Variants in KIAA1328 observed in about 807,000 individuals in gnomAD.
KIAA1328 encodes KIAA1328.
A neutral mutation model predicts 68.1 loss-of-function variants in KIAA1328; 52 were observed. That is an observed-to-expected ratio of 0.76 (90% CI 0.61 to 0.96). The LOEUF is 0.96. Among genes scored for constraint, KIAA1328 ranks in the 40% least tolerant of loss-of-function variants. The pLI, the probability that KIAA1328 is intolerant of heterozygous loss-of-function variation, is 0.00. For synonymous variants in KIAA1328, 232 were observed against 239.4 expected (o/e 0.97, Z 0.28); for missense variants, 641 against 677.6 (o/e 0.95, Z 0.60).
At chr18:36,934,866 G>A (rs1378374044) in intron 5 of KIAA1328, among the ~76,000 whole-genome samples, 3 of 152,144 alleles carry the variant, frequency 2.0e-5, no homozygotes, top group African/African-American at 4.8e-5. Flanking sequence ...ATTTTCATTT[G>A]TTATGGCAGT....
chr18:36,890,993 G>A (rs2048667591), intron 5 of KIAA1328, among the ~76,000 whole-genome samples: 1 of 152,176 alleles, frequency 6.6e-6, no homozygotes, highest in East Asian at 1.9e-4. Context: ...AAACATGGTA[G>A]ATGAATAAAC....
At chr18:37,002,442 A>G (rs1224796402) in intron 6 of KIAA1328, among the ~76,000 whole-genome samples, 1 of 150,894 alleles carries the variant, frequency 6.6e-6, no homozygotes, top group Non-Finnish European at 1.5e-5. Context: ...CTGGTCTCGA[A>G]CTCCTGGTCT....
At chr18:37,070,311 G>C (rs550487526) in intron 7 of KIAA1328, among the ~76,000 whole-genome samples, 39 of 152,180 alleles carry the variant, frequency 2.6e-4, no homozygotes, top group Non-Finnish European at 4.7e-4. Flanking sequence ...GGTGTGTTCT[G>C]TAAATTGTAT....
intron 3 of KIAA1328, among the ~76,000 whole-genome samples, chr18:36,842,052 A>C (rs1320179833): frequency 2.6e-5 from 4 of 152,226 alleles, no homozygotes; most frequent in Non-Finnish European, 5.9e-5. Context: ...TATTTAAAAG[A>C]AAAATTATTG....
chr18:37,060,914 G>A (rs556480671), intron 6 of KIAA1328, among the ~76,000 whole-genome samples: 8 of 152,244 alleles, frequency 5.3e-5, no homozygotes, highest in South Asian at 4.1e-4. Context: ...TCAGGAGATC[G>A]AGACCATCCT....
chr18:37,083,739 G>C lies in KIAA1328; in HGVS notation c.1232+16194G>C, dbSNP rs114300201. On this transcript the variant is annotated intron_variant, in intron 7 of 9. Coordinates refer to ENST00000280020, the MANE Select transcript of KIAA1328 (RefSeq NM_020776.3). ...GTGCTTCCCATATAAATGTTGGTCA[G>C]GGTCAGTGATAATTAGAGTTACTAG... is the stretch of plus-strand genomic sequence containing the variant. Among the ~76,000 whole-genome samples, 770 of 152,300 alleles carry C rather than the reference G, an allele frequency of 5.1e-3. 7 individuals carry two copies. The highest frequency in any genetic ancestry group is 0.018 in the African/African-American group (743 of 41,580).
chr18:36,935,890 T>C (rs1198672336), intron 5 of KIAA1328, among the ~76,000 whole-genome samples: 1 of 152,160 alleles, frequency 6.6e-6, no homozygotes, highest in African/African-American at 2.4e-5. Flanking sequence ...GATATAATAA[T>C]GGGTGTCAGT....
chr18:36,896,073 G>A (rs2151016899), intron 5 of KIAA1328, among the ~76,000 whole-genome samples: 1 of 152,264 alleles, frequency 6.6e-6, no homozygotes, highest in South Asian at 2.1e-4. Flanking sequence ...TACTTAATAT[G>A]TACTTAGTTC....
At chr18:36,928,074 G>A (rs1352261729) in intron 5 of KIAA1328, among the ~76,000 whole-genome samples, 1 of 152,054 alleles carries the variant, frequency 6.6e-6, no homozygotes, top group African/African-American at 2.4e-5. Flanking sequence ...AATATTTACT[G>A]CCAACCCCAA....
At chr18:37,116,846 T>C (rs910581073) in intron 7 of KIAA1328, among the ~76,000 whole-genome samples, 2 of 152,036 alleles carry the variant, frequency 1.3e-5, no homozygotes, top group African/African-American at 2.4e-5. Flanking sequence ...CAAAAGTGGG[T>C]GAAGGATATG....
chr18:37,039,274 A>G (rs1041187134), intron 6 of KIAA1328, among the ~76,000 whole-genome samples: 8 of 152,000 alleles, frequency 5.3e-5, no homozygotes, highest in African/African-American at 1.7e-4. Flanking sequence ...TTTGTGAATG[A>G]TTATTATTGT....
intron 9 of KIAA1328, among the ~76,000 whole-genome samples, chr18:37,177,709 C>T (rs549967227): frequency 4.6e-5 from 7 of 151,814 alleles, no homozygotes; most frequent in Non-Finnish European, 7.4e-5. Flanking sequence ...TTTTGAGTTA[C>T]TGGTGGGGAG....
intron 5 of KIAA1328, among the ~76,000 whole-genome samples, chr18:36,933,006 A>G (rs1440635983): frequency 3.9e-5 from 6 of 152,136 alleles, no homozygotes; most frequent in Non-Finnish European, 2.9e-5. Context: ...GGTACCAAGA[A>G]TTGCTCTGAG....
chr18:36,858,995 A>AT (rs1301256335), intron 4 of KIAA1328, among the ~76,000 whole-genome samples: 1 of 151,904 alleles, frequency 6.6e-6, no homozygotes, highest in African/African-American at 2.4e-5. Context: ...TAAGTTTTTC[A>AT]TTTTTTCCCC....
chr18:37,214,364 A>G (rs1449715585), intron 9 of KIAA1328, among the ~76,000 whole-genome samples: 1 of 152,234 alleles, frequency 6.6e-6, no homozygotes, highest in African/African-American at 2.4e-5. Flanking sequence ...AGCTTTCTAC[A>G]TATGGCTAGC....
At chr18:36,973,636 G>A (rs1030518075) in intron 6 of KIAA1328, among the ~76,000 whole-genome samples, 24 of 151,930 alleles carry the variant, frequency 1.6e-4, no homozygotes, top group African/African-American at 5.6e-4. Context: ...CTCATGTCAG[G>A]CTAAATTGAA....
intron 6 of KIAA1328, among the ~76,000 whole-genome samples, chr18:37,038,155 G>C (rs2074784294): frequency 6.6e-6 from 1 of 151,828 alleles, no homozygotes; most frequent in South Asian, 2.1e-4. Flanking sequence ...AACACGCCTA[G>C]CCCACAGGTA....
At chr18:37,146,081 A>G (rs981983155) in intron 7 of KIAA1328, among the ~76,000 whole-genome samples, 2 of 151,806 alleles carry the variant, frequency 1.3e-5, no homozygotes, top group Non-Finnish European at 1.5e-5. Flanking sequence ...GGAGGATAAT[A>G]CTTTTTTTTT....
intron 7 of KIAA1328, among the ~76,000 whole-genome samples, chr18:37,146,915 A>T (rs1328554273): frequency 6.6e-6 from 1 of 152,164 alleles, no homozygotes; most frequent in Non-Finnish European, 1.5e-5. Flanking sequence ...ACCTAATGGA[A>T]GGTGTTTGTG....
Sources: gnomAD v4.1 joint callset for allele counts (sites outside exome capture counted in the v4.1 genomes callset) on GRCh38, gnomAD v4.1.1 for gene constraint, MANE v1.5 for transcripts, NCBI Gene and HGNC (gene_info 2026-07-23, HGNC 2026-07-21) for gene names.